LRP1B: variants seen among roughly 807,000 people sequenced by gnomAD.
LRP1B encodes LDL receptor related protein 1B.
LRP1B carries 217 observed loss-of-function variants against 556.6 expected under a neutral mutation model. The observed-to-expected ratio is 0.39, with a 90% confidence interval of 0.35 to 0.44. The LOEUF (loss-of-function observed/expected upper bound fraction) is 0.44, where lower values mean the gene tolerates loss of function less well. LRP1B is among the 20% of genes least tolerant of loss of function. The pLI is 1.00. For synonymous variants in LRP1B, 2,047 were observed against 1,865.8 expected, an observed-to-expected ratio of 1.10 and a Z score of -2.50; for missense variants, 5,053 against 5,620.8, an observed-to-expected ratio of 0.90 and a Z score of 3.23.
At chr2:141,517,882 T>G (rs1684380868) in intron 2 of LRP1B, among the ~76,000 whole-genome samples, 2 of 152,286 alleles carry the variant, frequency 1.3e-5, no homozygotes, top group South Asian at 4.1e-4. Flanking sequence ...AATTATAAAC[T>G]CCTTTCTTTT....
intron 1 of LRP1B, among the ~76,000 whole-genome samples, chr2:141,859,033 C>T (rs78493819): frequency 2.0e-5 from 3 of 151,804 alleles, no homozygotes; most frequent in Non-Finnish European, 4.4e-5. Context: ...TCTCTTTCCC[C>T]CTCTAGGGCT....
At chr2:141,573,003 A>G (rs1382016213) in intron 2 of LRP1B, among the ~76,000 whole-genome samples, 1 of 152,210 alleles carries the variant, frequency 6.6e-6, no homozygotes, top group Non-Finnish European at 1.5e-5. Context: ...ATATTGGGAT[A>G]CTTTAACACC....
chr2:140,557,169 G>C (rs1376279798), intron 43 of LRP1B, among the ~76,000 whole-genome samples: 1 of 151,928 alleles, frequency 6.6e-6, no homozygotes, highest in Non-Finnish European at 1.5e-5. Flanking sequence ...CAATAATTAT[G>C]CATACATTAC....
At chr2:141,426,156 A>G (rs1485567823) in intron 3 of LRP1B, among the ~76,000 whole-genome samples, 2 of 151,994 alleles carry the variant, frequency 1.3e-5, no homozygotes, top group African/African-American at 2.4e-5. Flanking sequence ...CAGTTTTCCC[A>G]GCACCATTTA....
At chr2:142,117,318 A>T (rs1423998339) in intron 1 of LRP1B, among the ~76,000 whole-genome samples, 2 of 152,048 alleles carry the variant, frequency 1.3e-5, no homozygotes, top group Non-Finnish European at 2.9e-5. Context: ...AGCAAGGGGG[A>T]GGAAGATGTG....
At chr2:141,818,424 G>T (rs564307852) in intron 1 of LRP1B, among the ~76,000 whole-genome samples, 1 of 151,402 alleles carries the variant, frequency 6.6e-6, no homozygotes, top group Non-Finnish European at 1.5e-5. Flanking sequence ...ATGGTTAGAG[G>T]TCTTCTTTCT....
intron 2 of LRP1B, among the ~76,000 whole-genome samples, chr2:141,594,170 A>G (rs1267767629): frequency 3.9e-5 from 6 of 152,066 alleles, no homozygotes; most frequent in Admixed American, 1.3e-4. Flanking sequence ...ACCATCGAGT[A>G]GGGGACCCTG....
intron 2 of LRP1B, among the ~76,000 whole-genome samples, chr2:141,785,788 T>C (rs1020905569): frequency 2.0e-5 from 3 of 151,482 alleles, no homozygotes; most frequent in African/African-American, 7.3e-5. Context: ...ATGTTTGCCT[T>C]TGGGAAAAGG....
intron 2 of LRP1B, among the ~76,000 whole-genome samples, chr2:141,667,778 G>A (rs964332488): frequency 6.6e-6 from 1 of 152,052 alleles, no homozygotes; most frequent in African/African-American, 2.4e-5. Flanking sequence ...AGCTCTCTGA[G>A]GATAGGGTAT....
intron 3 of LRP1B, among the ~76,000 whole-genome samples, chr2:141,288,582 CA>C (rs2105403630): frequency 6.6e-6 from 1 of 152,236 alleles, no homozygotes; most frequent in South Asian, 2.1e-4. Flanking sequence ...CTTCTGTAAA[CA>C]AGGAGCTGAC....
chr2:140,763,652 A>C (rs552664647), intron 35 of LRP1B, among the ~76,000 whole-genome samples: 1 of 152,150 alleles, frequency 6.6e-6, no homozygotes, highest in African/African-American at 2.4e-5. Flanking sequence ...TAAATGCCTA[A>C]TAGGGGCTTG....
At chr2:140,921,832 A>G (rs1196637022) in intron 21 of LRP1B, among the ~76,000 whole-genome samples, 1 of 152,014 alleles carries the variant, frequency 6.6e-6, no homozygotes, top group Admixed American at 6.6e-5. Flanking sequence ...AGGCATGTTT[A>G]AGAAAAGAAA....
At chr2:141,513,250 A>G (rs1005303802) in intron 2 of LRP1B, among the ~76,000 whole-genome samples, 23 of 152,120 alleles carry the variant, frequency 1.5e-4, no homozygotes, top group Admixed American at 1.5e-3. Context: ...ATTTGATTAT[A>G]ATTATCTAAC....
chr2:142,119,612 A>T (rs1261781205), intron 1 of LRP1B, among the ~76,000 whole-genome samples: 2 of 152,222 alleles, frequency 1.3e-5, no homozygotes, highest in Non-Finnish European at 2.9e-5. Flanking sequence ...CTTAGGACCC[A>T]GGGTAATTCA....
chr2:140,327,751 T>C (rs1680567394), intron 79 of LRP1B, among the ~76,000 whole-genome samples: 1 of 152,066 alleles, frequency 6.6e-6, no homozygotes, highest in South Asian at 2.1e-4. Flanking sequence ...ATCAACAATA[T>C]TGTTTTTCAG....
At chr2:141,959,946 G>A (rs1701355528) in intron 1 of LRP1B, among the ~76,000 whole-genome samples, 1 of 151,884 alleles carries the variant, frequency 6.6e-6, no homozygotes, top group Non-Finnish European at 1.5e-5. Context: ...ATTGTGCCAA[G>A]TATTTAACAC....
chr2:140,425,779 A>C (rs183836202), intron 66 of LRP1B, among the ~76,000 whole-genome samples: 20 of 152,274 alleles, frequency 1.3e-4, no homozygotes, highest in African/African-American at 4.6e-4. Flanking sequence ...TTAAGTATAA[A>C]ATAGGAATAA....
intron 2 of LRP1B, among the ~76,000 whole-genome samples, chr2:141,611,423 A>C (rs1423661345): frequency 6.6e-6 from 1 of 152,140 alleles, no homozygotes; most frequent in Non-Finnish European, 1.5e-5. Context: ...CCTCCTCCTC[A>C]CATTTTTTTT....
At chr2:142,116,522 T>C (rs1707282463) in intron 1 of LRP1B, among the ~76,000 whole-genome samples, 1 of 152,054 alleles carries the variant, frequency 6.6e-6, no homozygotes, top group African/African-American at 2.4e-5. Context: ...GCATCCTGGA[T>C]TGGATATTGG....
Sources: gnomAD v4.1 joint callset for allele counts (sites outside exome capture counted in the v4.1 genomes callset) on GRCh38, gnomAD v4.1.1 for gene constraint, MANE v1.5 for transcripts, NCBI Gene and HGNC (gene_info 2026-07-23, HGNC 2026-07-21) for gene names.